The following TENM3 variants were observed in gnomAD, a reference collection of about 807,000 sequenced individuals.
TENM3 encodes the protein teneurin-3.
In TENM3, 63 loss-of-function variants were observed where a neutral mutation model predicts 255.1. The ratio of observed to expected loss-of-function variants is 0.25; its 90% CI spans 0.20 to 0.30. The LOEUF (loss-of-function observed/expected upper bound fraction) is 0.30. Ranked by LOEUF, TENM3 falls within the 10% of genes least tolerant of loss-of-function variation. TENM3 has a pLI of 1.00. For synonymous variants in TENM3, 1,306 were observed against 1,322.3 expected (o/e 0.99, Z 0.27); for missense variants, 2,929 against 3,461.1 (o/e 0.85, Z 3.86).
At chr4:182,733,582 G>A (rs1393213286) in intron 16 of TENM3, among the ~76,000 whole-genome samples, 4 of 152,260 alleles carry the variant, frequency 2.6e-5, no homozygotes, top group Non-Finnish European at 4.4e-5. Context: ...GTAAATTTGG[G>A]AGTCATTCGC....
intron 6 of TENM3, among the ~76,000 whole-genome samples, chr4:182,661,299 C>T (rs1754207918): frequency 7.2e-6 from 1 of 139,540 alleles, no homozygotes; most frequent in Non-Finnish European, 1.5e-5. Context: ...CACCTGGGTT[C>T]ATGCCATTCT....
At chr4:182,285,502 CAG>C (rs1760677406) in intron 1 of TENM3, among the ~76,000 whole-genome samples, 1 of 152,170 alleles carries the variant, frequency 6.6e-6, no homozygotes, top group Non-Finnish European at 1.5e-5. Flanking sequence ...CTTAAGTTCT[CAG>C]CTATCTGGGT....
At chr4:181,897,013 C>G in the TENM3 span, among the ~76,000 whole-genome samples, 1 of 152,150 alleles carries the variant, frequency 6.6e-6, no homozygotes, top group Admixed American at 6.5e-5. Context: ...CCTTTGTTGT[C>G]CATCCTAGCC....
the TENM3 span, among the ~76,000 whole-genome samples, chr4:181,829,316 A>G: frequency 6.6e-6 from 1 of 152,188 alleles, no homozygotes; most frequent in Non-Finnish European, 1.5e-5. Context: ...AGCAACTATA[A>G]TGATGTTTCT....
At chr4:181,864,697 T>C in the TENM3 span, among the ~76,000 whole-genome samples, 1 of 152,130 alleles carries the variant, frequency 6.6e-6, no homozygotes, top group Non-Finnish European at 1.5e-5. Flanking sequence ...AGCTGATGGG[T>C]TAAACCGCCC....
the TENM3 span, among the ~76,000 whole-genome samples, chr4:181,574,508 G>A: frequency 9.8e-4 from 148 of 151,380 alleles, 1 homozygote; most frequent in Non-Finnish European, 1.6e-3. Context: ...TCCGCAGTCC[G>A]GCCTGGGCGA....
At chr4:182,779,522 T>C (rs1165018518) in intron 24 of TENM3, among the ~76,000 whole-genome samples, 1 of 152,162 alleles carries the variant, frequency 6.6e-6, no homozygotes, top group Non-Finnish European at 1.5e-5. Flanking sequence ...TAAACATACG[T>C]GTGCATGTGT....
chr4:182,388,346 G>T (rs1207920883), intron 3 of TENM3, among the ~76,000 whole-genome samples: 2 of 152,100 alleles, frequency 1.3e-5, no homozygotes, highest in Admixed American at 6.6e-5. Flanking sequence ...CGATGATGAT[G>T]ATAACAAAAA....
chr4:182,157,929 C>A (rs965619), intron 1 of TENM3, among the ~76,000 whole-genome samples: 2 of 152,014 alleles, frequency 1.3e-5, no homozygotes, highest in Non-Finnish European at 2.9e-5. Context: ...CCAAGATATG[C>A]GTCCTCTCAT....
chr4:182,327,851 G>T (rs896890401), intron 2 of TENM3, among the ~76,000 whole-genome samples: 1 of 152,182 alleles, frequency 6.6e-6, no homozygotes, highest in Non-Finnish European at 1.5e-5. Context: ...TTATGAAACA[G>T]CTGCATAGGA....
chr4:181,873,370 A>G, the TENM3 span, among the ~76,000 whole-genome samples: 1 of 152,110 alleles, frequency 6.6e-6, no homozygotes, highest in African/African-American at 2.4e-5. Flanking sequence ...CGCCCGGCCT[A>G]ATATAAGTAT....
At chr4:181,903,024 A>T in the TENM3 span, among the ~76,000 whole-genome samples, 1 of 152,146 alleles carries the variant, frequency 6.6e-6, no homozygotes, top group African/African-American at 2.4e-5. Flanking sequence ...TTGGGGAAAA[A>T]TGCTTCTATT....
the TENM3 span, among the ~76,000 whole-genome samples, chr4:182,082,257 G>A: frequency 2.6e-5 from 4 of 152,066 alleles, no homozygotes; most frequent in African/African-American, 7.2e-5. Context: ...GTCCTCACAT[G>A]GCAGAAAGAG....
chr4:182,369,794 T>A (rs1436937495), intron 3 of TENM3, among the ~76,000 whole-genome samples: 1 of 151,940 alleles, frequency 6.6e-6, no homozygotes, highest in Non-Finnish European at 1.5e-5. Flanking sequence ...GGCAGGGGAA[T>A]TGCTCGAACC....
the TENM3 span, among the ~76,000 whole-genome samples, chr4:181,570,862 G>A: frequency 1.3e-5 from 2 of 152,188 alleles, no homozygotes; most frequent in African/African-American, 2.4e-5. Flanking sequence ...AGAAGGTGGT[G>A]AAAGCGCTCA....
chr4:181,755,907 C>T, the TENM3 span, among the ~76,000 whole-genome samples: 1 of 152,052 alleles, frequency 6.6e-6, no homozygotes, highest in Non-Finnish European at 1.5e-5. Context: ...ATTGCTGTCT[C>T]TTATTTTAAC....
chr4:181,971,878 G>A, the TENM3 span, among the ~76,000 whole-genome samples: 1 of 152,084 alleles, frequency 6.6e-6, no homozygotes, highest in Non-Finnish European at 1.5e-5. Flanking sequence ...CCAGGGATGG[G>A]AAAGTTGACA....
the TENM3 span, among the ~76,000 whole-genome samples, chr4:182,036,748 T>TA: frequency 3.1e-3 from 477 of 152,352 alleles, 1 homozygote; most frequent in Non-Finnish European, 4.9e-3. Flanking sequence ...TGTGTTAGTC[T>TA]AGTGTTAAAA....
At chr4:182,708,643 C>CA (rs1758484632) in intron 12 of TENM3, among the ~76,000 whole-genome samples, 1 of 152,020 alleles carries the variant, frequency 6.6e-6, no homozygotes, top group African/African-American at 2.4e-5. Context: ...ACTAAAAATA[C>CA]AAAAATTAGC....
Sources: allele counts gnomAD v4.1 joint callset (sites outside exome capture counted in the v4.1 genomes callset), GRCh38; gene constraint gnomAD v4.1.1; transcripts MANE v1.5; gene names NCBI Gene and HGNC (gene_info 2026-07-23, HGNC 2026-07-21).